ARID3C: variants seen among roughly 807,000 people sequenced by gnomAD.
ARID3C encodes the protein AT-rich interaction domain 3C.
In ARID3C, 42 loss-of-function variants were observed where a neutral mutation model predicts 37.9. The observed-to-expected ratio is 1.11, with a 90% CI of 0.87 to 1.43. The LOEUF is 1.43. Ranked by LOEUF, ARID3C falls within the 40% of genes most tolerant of loss-of-function variation. The pLI is 0.00. For synonymous variants in ARID3C, 213 were observed against 228.0 expected, an observed-to-expected ratio of 0.93 and a Z score of 0.59; for missense variants, 581 against 548.8, an observed-to-expected ratio of 1.06 and a Z score of -0.59.
chr9:34,622,531 T>C lies in ARID3C; in HGVS notation c.866-2A>G, dbSNP rs771208587. 1.3e-6 allele frequency: 2 copies of C among 1,595,618 alleles called. No homozygotes were observed. The highest frequency in any genetic ancestry group is 3.5e-5 in the Admixed American group (2 of 57,232). ...AAGGGTTTGGAATTCCACTCTCCTCTAGAAGAACAGGTTATTCAGCTCCCC... is the reference window on the plus strand; with the variant it reads ...AAGGGTTTGGAATTCCACTCTCCTCCAGAAGAACAGGTTATTCAGCTCCCC... On this transcript the variant is annotated splice_acceptor_variant, in intron 4 of 6. Transcript: ENST00000378909. LOFTEE classifies it high-confidence loss of function.
chr9:34,623,766 C>A, intron 3 of ARID3C, 52 bp from the exon 5 acceptor site: 1 of 1,500,822 alleles, frequency 6.7e-7, no homozygotes, highest in South Asian at 1.3e-5. Context: ...CCCAGCTGGT[C>A]AAGTCCCACA....
upstream of ARID3C, among the ~76,000 whole-genome samples, chr9:34,630,206 G>A (rs1433194792): frequency 6.6e-6 from 1 of 152,168 alleles, no homozygotes; most frequent in East Asian, 1.9e-4. Flanking sequence ...TGCCACATCT[G>A]TATCTCCAGA....
exon 4 of ARID3C, chr9:34,623,530 G>T: frequency 6.4e-7 from 1 of 1,570,676 alleles, no homozygotes; most frequent in South Asian, 1.2e-5. Flanking sequence ...GGAGGGGCGG[G>T]GCCGGGACCC....
exon 3 of ARID3C, chr9:34,624,030 C>T (rs1267946515): frequency 1.3e-6 from 2 of 1,594,414 alleles, no homozygotes; most frequent in African/African-American, 1.3e-5. Flanking sequence ...ATGATGGGCA[C>T]GCGGTTCACT....
At chr9:34,631,233 T>C (rs181617632), upstream of ARID3C, among the ~76,000 whole-genome samples, 279 of 152,250 alleles carry the variant, frequency 1.8e-3, 1 homozygote, top group Middle Eastern at 6.8e-3. Context: ...GATCGCTTTG[T>C]AGGGTTTGGG....
upstream of ARID3C, among the ~76,000 whole-genome samples, chr9:34,631,927 T>C (rs1314021017): frequency 6.6e-6 from 1 of 152,222 alleles, no homozygotes; most frequent in Non-Finnish European, 1.5e-5. Context: ...GGCCTCTCCA[T>C]AGGATTGCTT....
At chr9:34,626,933 G>A (rs947466658) in intron 1 of ARID3C, among the ~76,000 whole-genome samples, 3 of 152,204 alleles carry the variant, frequency 2.0e-5, no homozygotes, top group African/African-American at 7.2e-5. Flanking sequence ...ACAGCCCTGT[G>A]TAACACCTTC....
chr9:34,622,084 A>C, exon 6 of ARID3C: 2 of 1,614,136 alleles, frequency 1.2e-6, no homozygotes, highest in Non-Finnish European at 8.5e-7. Context: ...TGCCTGCCAG[A>C]TTAAGAGGCC....
chr9:34,625,039 T>C (rs1028942261), intron 2 of ARID3C, among the ~76,000 whole-genome samples: 5 of 116,366 alleles, frequency 4.3e-5, no homozygotes, highest in African/African-American at 1.0e-4. Context: ...GAGTGGGAAG[T>C]GGGCCAGCAG....
intron 1 of ARID3C, among the ~76,000 whole-genome samples, chr9:34,626,520 A>G (rs1305440021): frequency 2.0e-5 from 3 of 152,154 alleles, no homozygotes. Context: ...CACCTCCTGC[A>G]TCAACTCCCG....
upstream of ARID3C, among the ~76,000 whole-genome samples, chr9:34,631,960 T>C (rs1398920076): frequency 1.3e-5 from 2 of 152,238 alleles, no homozygotes; most frequent in African/African-American, 4.8e-5. Context: ...AACATGGCAG[T>C]TGGTTTCCCC....
rs369251988 is a variant in ARID3C, at chr9:34,622,904, T to C, written c.866-375A>G. Among the ~76,000 whole-genome samples the C allele has an allele frequency of 6.6e-5, 10 of 151,964 alleles. No homozygotes were observed. The East Asian group carries it at 1.6e-3, about 24-fold the overall frequency. ...TGACTCAGCCTGTAATCCCAACACT[T>C]TGGGAAGCGGAGGAGGGCGGATCAC... On this transcript the variant is annotated intron_variant, in intron 4 of 6. Transcript: ENST00000378909.
chr9:34,621,192 G>A (rs1263479950), downstream of ARID3C, among the ~76,000 whole-genome samples: 1 of 152,226 alleles, frequency 6.6e-6, no homozygotes, highest in African/African-American at 2.4e-5. Context: ...CATTGACAGA[G>A]GGAACACATG....
At chr9:34,625,541 C>T (rs561763866) in intron 2 of ARID3C, among the ~76,000 whole-genome samples, 4 of 134,944 alleles carry the variant, frequency 3.0e-5, no homozygotes. Context: ...TGATCCCAAA[C>T]TCATTAACCT....
chr9:34,632,288 A>G (rs1160356665), upstream of ARID3C, among the ~76,000 whole-genome samples: 1 of 152,240 alleles, frequency 6.6e-6, no homozygotes, highest in Non-Finnish European at 1.5e-5. Context: ...AATAGCAGGT[A>G]CAAATATCCT....
exon 5 of ARID3C, chr9:34,622,435 C>T: frequency 6.2e-7 from 1 of 1,614,170 alleles, no homozygotes. Context: ...CAGCTCTCTT[C>T]TCTGGGGGCT....
chr9:34,621,381 G>T, exon 7 of ARID3C: 1 of 1,083,056 alleles, frequency 9.2e-7, no homozygotes, highest in Non-Finnish European at 1.3e-6. Context: ...AGAGTGGGCA[G>T]CCAGAAAGAA....
At chr9:34,629,880 A>G (rs1820707638), upstream of ARID3C, among the ~76,000 whole-genome samples, 1 of 151,828 alleles carries the variant, frequency 6.6e-6, no homozygotes, top group Non-Finnish European at 1.5e-5. Flanking sequence ...AGCCTCCCGA[A>G]TAGCTGGAAT....
upstream of ARID3C, among the ~76,000 whole-genome samples, chr9:34,632,662 A>C (rs545912187): frequency 2.0e-5 from 3 of 152,320 alleles, no homozygotes; most frequent in Admixed American, 2.0e-4. Context: ...AGATAAAAAC[A>C]GTATTTGATG....
Sources: allele counts gnomAD v4.1 joint callset (sites outside exome capture counted in the v4.1 genomes callset), GRCh38; gene constraint gnomAD v4.1.1; transcripts MANE v1.5; gene names NCBI Gene and HGNC (gene_info 2026-07-23, HGNC 2026-07-21).